The following PARD3B variants were observed in gnomAD, a reference collection of about 807,000 sequenced individuals.
The protein encoded by PARD3B is partitioning defective 3 homolog B.
Under a neutral mutation model 130.2 loss-of-function variants are expected in PARD3B, and 103 were observed. That is an observed-to-expected ratio of 0.79 (90% confidence interval 0.67 to 0.93). The LOEUF is 0.93. Ranked by LOEUF, PARD3B falls within the 40% of genes least tolerant of loss-of-function variation. The probability of loss-of-function intolerance (pLI) is 0.00; values close to 1 mark genes in which losing one functional copy is unlikely to be tolerated. For missense variants in PARD3B, 1,609 were observed against 1,499.2 expected (o/e 1.07, Z -1.21); for synonymous variants, 583 against 553.2 (o/e 1.05, Z -0.76).
At chr2:204,732,083 GTTT>G (rs11359656) in intron 2 of PARD3B, among the ~76,000 whole-genome samples, 1 of 145,728 alleles carries the variant, frequency 6.9e-6, no homozygotes, top group African/African-American at 2.5e-5. Context: ...AATAATTGTG[GTTT>G]TTTTTTTTTT....
Position 204,623,595 on chromosome 2 carries a change from T to G in PARD3B, c.121-62586T>G, listed in dbSNP as rs1345700091. 6.6e-6 allele frequency among the ~76,000 whole-genome samples: 1 copy of G among 152,174 alleles called. No homozygotes were observed. The highest frequency in any genetic ancestry group is 1.5e-5 in the Non-Finnish European group (1 of 68,010). ...TACTTGGCATAATGTCATTGAGATA[T>G]ATCCAAGTTGTTGCATGTATCAATA... On this transcript the variant is annotated intron_variant, in intron 1 of 22. Coordinates refer to ENST00000406610, the MANE Select transcript of PARD3B (RefSeq NM_001302769.2). This position sits in a 1 kb window ranked among gnomAD's most constrained non-coding sequence, Gnocchi z 4.5.
intron 22 of PARD3B, among the ~76,000 whole-genome samples, chr2:205,606,792 C>T (rs1347964437): frequency 6.6e-6 from 1 of 152,146 alleles, no homozygotes. Flanking sequence ...GGATAACTGA[C>T]TTATATTTAT....
Position 204,762,743 on chromosome 2 carries a change from T to TTTTTTC in PARD3B, c.222+76479_222+76484dup, listed in dbSNP as rs869084742. 4.3e-5 allele frequency among the ~76,000 whole-genome samples: 6 copies of TTTTTTC among 138,246 alleles called. No individual in the cohort carries two copies. In the Admixed American group the frequency reaches 4.4e-4, roughly 10 times the overall value. The allele number at this position is 138,246 out of a possible 152,430, so 90.7% of individuals were successfully genotyped here. On this transcript the variant is annotated intron_variant, in intron 2 of 22. Transcript: ENST00000406610. ...CTTAACTGCCAGCTGTTCATCTTTCTTTTTTCTTTTTCTTTTTCTTTTTTT... is the reference window on the plus strand; with the variant it reads ...CTTAACTGCCAGCTGTTCATCTTTCTTTTTTCTTTTTCTTTTTCTTTTTCTTTTTTT...
At chr2:204,996,968 G>A (rs2125261474) in intron 3 of PARD3B, among the ~76,000 whole-genome samples, 1 of 152,150 alleles carries the variant, frequency 6.6e-6, no homozygotes, top group African/African-American at 2.4e-5. Context: ...ACACTGGCCT[G>A]CGCCCACTGT....
At chr2:204,650,338 G>A (rs947053195) in intron 1 of PARD3B, among the ~76,000 whole-genome samples, 5 of 152,122 alleles carry the variant, frequency 3.3e-5, no homozygotes, top group Non-Finnish European at 7.4e-5. Context: ...AGACAGTGTG[G>A]CAATTCCTCA....
chr2:204,741,488 T>G (rs928076740), intron 2 of PARD3B, among the ~76,000 whole-genome samples: 1 of 152,172 alleles, frequency 6.6e-6, no homozygotes, highest in Non-Finnish European at 1.5e-5. Flanking sequence ...CATCATGATA[T>G]GGTCTTAGTT....
intron 2 of PARD3B, among the ~76,000 whole-genome samples, chr2:204,918,683 T>TA (rs2047547536): frequency 6.6e-6 from 1 of 151,822 alleles, no homozygotes; most frequent in South Asian, 2.1e-4. Flanking sequence ...TGCTGAGGTG[T>TA]AAAATTTGCA....
rs1196844970 is a variant in PARD3B, at chr2:204,944,965, CA to C, written c.223-20184del. ...TCAGATAACTCAAATTCCAAGTGCC[CA>C]AACTGTATTTTAATCTTTTGTTGGG... On this transcript the variant is annotated intron_variant, in intron 2 of 22. Transcript: ENST00000406610. Among the ~76,000 whole-genome samples, 11 of 152,328 alleles carry C rather than the reference CA, an allele frequency of 7.2e-5. No individual in the cohort carries two copies. In the East Asian group the frequency reaches 1.7e-3, roughly 24 times the overall value.
intron 15 of PARD3B, among the ~76,000 whole-genome samples, chr2:205,218,274 C>T (rs926086288): frequency 6.6e-6 from 1 of 152,010 alleles, no homozygotes; most frequent in African/African-American, 2.4e-5. Flanking sequence ...TCTTATGAGT[C>T]ACTATAGGCA....
At chr2:205,058,094 A>T (rs990913324) in intron 4 of PARD3B, among the ~76,000 whole-genome samples, 3 of 151,726 alleles carry the variant, frequency 2.0e-5, no homozygotes, top group African/African-American at 7.3e-5. Context: ...GGCAACCACC[A>T]TTCTGTTATA....
chr2:204,826,605 TGATA>T (rs1339694926), intron 2 of PARD3B, among the ~76,000 whole-genome samples: 2 of 152,240 alleles, frequency 1.3e-5, no homozygotes, highest in African/African-American at 2.4e-5. Flanking sequence ...AATTGCTGAT[TGATA>T]GATAGTATCT....
intron 2 of PARD3B, among the ~76,000 whole-genome samples, chr2:204,857,496 AG>A (rs1196454142): frequency 1.3e-5 from 2 of 152,190 alleles, no homozygotes; most frequent in African/African-American, 4.8e-5. Flanking sequence ...TTAATATAAA[AG>A]TTTTATGTGA....
chr2:204,958,306 A>G (rs1690445662), intron 2 of PARD3B, among the ~76,000 whole-genome samples: 1 of 152,226 alleles, frequency 6.6e-6, no homozygotes, highest in Non-Finnish European at 1.5e-5. Flanking sequence ...AATGTACTTC[A>G]TGGCATTTAT....
At chr2:205,039,628 AC>A in intron 3 of PARD3B, among the ~76,000 whole-genome samples, 1 of 151,710 alleles carries the variant, frequency 6.6e-6, no homozygotes, top group Non-Finnish European at 1.5e-5. Context: ...GCACCACCAC[AC>A]CCCACTAATC....
At chr2:204,775,540 A>G (rs746365101) in intron 2 of PARD3B, among the ~76,000 whole-genome samples, 1 of 152,144 alleles carries the variant, frequency 6.6e-6, no homozygotes, top group Non-Finnish European at 1.5e-5. Context: ...ATTGGAATCC[A>G]GGAACTCCTA....
intron 3 of PARD3B, among the ~76,000 whole-genome samples, chr2:205,042,413 G>C (rs886512424): frequency 6.6e-5 from 10 of 152,148 alleles, no homozygotes; most frequent in Admixed American, 3.3e-4. Flanking sequence ...GTAAGTGAGT[G>C]TGTAAGTTTT....
chr2:204,569,712 A>T (rs575267154), intron 1 of PARD3B, among the ~76,000 whole-genome samples: 1 of 152,316 alleles, frequency 6.6e-6, no homozygotes, highest in East Asian at 1.9e-4. Flanking sequence ...TGAAGTATGA[A>T]ATTATGAATA....
intron 15 of PARD3B, among the ~76,000 whole-genome samples, chr2:205,243,691 C>G (rs2039453971): frequency 1.3e-5 from 2 of 152,146 alleles, no homozygotes; most frequent in African/African-American, 4.8e-5. Flanking sequence ...CAGGTAATGA[C>G]TCTTCTGTGA....
intron 3 of PARD3B, among the ~76,000 whole-genome samples, chr2:205,039,939 G>C (rs1698276058): frequency 6.6e-6 from 1 of 152,016 alleles, no homozygotes. Context: ...TCATTTTTCT[G>C]GGCTTCAGTT....
Sources: gnomAD v4.1 joint callset for allele counts (sites outside exome capture counted in the v4.1 genomes callset) on GRCh38, gnomAD v4.1.1 for gene constraint, Gnocchi (gnomAD v3.1) non-coding constraint, MANE v1.5 for transcripts, NCBI Gene and HGNC (gene_info 2026-07-23, HGNC 2026-07-21) for gene names.